Variants in UST observed in about 807,000 individuals in gnomAD.
UST encodes chondroitin sulfate 2-O-sulfotransferase.
Under a neutral mutation model 45.6 loss-of-function variants are expected in UST, and 21 were observed. The ratio of observed to expected loss-of-function variants is 0.46; its 90% CI spans 0.33 to 0.66. The LOEUF is 0.66. UST is among the 30% of genes least tolerant of loss of function. The probability of loss-of-function intolerance (pLI) is 0.02; values close to 1 mark genes in which losing one functional copy is unlikely to be tolerated. For missense variants in UST, 463 were observed against 512.4 expected (o/e 0.90, Z 0.93); for synonymous variants, 215 against 200.6 (o/e 1.07, Z -0.61).
chr6:148,958,183 G>GT (rs201741630), intron 4 of UST, among the ~76,000 whole-genome samples: 2 of 150,588 alleles, frequency 1.3e-5, no homozygotes, highest in Non-Finnish European at 2.9e-5. Flanking sequence ...GACCTACTTC[G>GT]TTTTTTTTCA....
intron 1 of UST, among the ~76,000 whole-genome samples, chr6:148,877,411 G>A (rs1055382501): frequency 1.9e-5 from 1 of 52,944 alleles, no homozygotes; most frequent in South Asian, 9.6e-4. Flanking sequence ...GTGTATGAGT[G>A]CGGGGGTCGT....
At chr6:148,805,133 G>A (rs142808337) in intron 1 of UST, among the ~76,000 whole-genome samples, 7 of 152,102 alleles carry the variant, frequency 4.6e-5, no homozygotes, top group Middle Eastern at 3.4e-3. Flanking sequence ...AGACCATTTC[G>A]TATAGCTAAG....
At chr6:148,911,039 C>T (rs1236536752) in intron 2 of UST, among the ~76,000 whole-genome samples, 9 of 152,152 alleles carry the variant, frequency 5.9e-5, no homozygotes, top group African/African-American at 1.7e-4. Flanking sequence ...ATTGCTTCCA[C>T]GTCTGAATTG....
intron 1 of UST, among the ~76,000 whole-genome samples, chr6:148,758,036 T>C (rs915685599): frequency 6.6e-6 from 1 of 152,228 alleles, no homozygotes; most frequent in African/African-American, 2.4e-5. Context: ...AGTTCAACAA[T>C]TGCCAATTTT....
chr6:148,886,027 T>G (rs1265526179), intron 1 of UST, among the ~76,000 whole-genome samples: 2 of 152,238 alleles, frequency 1.3e-5, no homozygotes, highest in Non-Finnish European at 2.9e-5. Context: ...CGCCTTCGAT[T>G]ATACTGATTG....
intron 2 of UST, among the ~76,000 whole-genome samples, chr6:148,912,363 A>G (rs1002456426): frequency 2.6e-5 from 4 of 152,258 alleles, no homozygotes; most frequent in African/African-American, 9.6e-5. Flanking sequence ...GAGGACATAA[A>G]ACAGCATTAA....
At chr6:149,071,084 T>C (rs778905771) in intron 7 of UST, among the ~76,000 whole-genome samples, 6 of 152,192 alleles carry the variant, frequency 3.9e-5, no homozygotes, top group Non-Finnish European at 2.9e-5. Flanking sequence ...TATTTTTAAA[T>C]GTACAATTAA....
At chr6:148,852,710 T>C (rs1409123939) in intron 1 of UST, among the ~76,000 whole-genome samples, 2 of 152,156 alleles carry the variant, frequency 1.3e-5, no homozygotes, top group Non-Finnish European at 2.9e-5. Flanking sequence ...TATTTATCTT[T>C]TTTATTGAAG....
intron 1 of UST, among the ~76,000 whole-genome samples, chr6:148,806,495 G>GC (rs1386421725): frequency 9.4e-6 from 1 of 106,098 alleles, no homozygotes; most frequent in Admixed American, 1.0e-4. Context: ...CACACCACTG[G>GC]CTTTTTTTTT....
At chr6:148,972,610 C>G (rs544154102) in intron 5 of UST, among the ~76,000 whole-genome samples, 94 of 152,376 alleles carry the variant, frequency 6.2e-4, no homozygotes, top group African/African-American at 2.2e-3. Flanking sequence ...CAAGGGCCGC[C>G]AGAGCACAGC....
chr6:148,801,716 A>T (rs1310490561), intron 1 of UST, among the ~76,000 whole-genome samples: 4 of 152,140 alleles, frequency 2.6e-5, no homozygotes, highest in African/African-American at 9.7e-5. Flanking sequence ...GCACGTGCTT[A>T]GCAGTCACTC....
chr6:148,756,099 A>T (rs1293039335), intron 1 of UST, among the ~76,000 whole-genome samples: 1 of 148,348 alleles, frequency 6.7e-6, no homozygotes, highest in Non-Finnish European at 1.5e-5. Context: ...GAGTGAGAAC[A>T]TGCGGTGTTT....
At chr6:149,062,543 A>G (rs1328810188) in intron 7 of UST, among the ~76,000 whole-genome samples, 1 of 152,196 alleles carries the variant, frequency 6.6e-6, no homozygotes, top group African/African-American at 2.4e-5. Context: ...CAAGTTTTTC[A>G]CCAGATCCTC....
intron 1 of UST, among the ~76,000 whole-genome samples, chr6:148,863,133 C>A (rs1031143713): frequency 6.6e-6 from 1 of 152,198 alleles, no homozygotes; most frequent in Non-Finnish European, 1.5e-5. Flanking sequence ...TTCAGGTACA[C>A]CAATCAGACG....
At position 148,934,667 on chromosome 6, in the gene UST, G is replaced by T. The variant is rs1477174166; in HGVS notation, c.292-6612G>T. 6.6e-6 allele frequency among the ~76,000 whole-genome samples: 1 copy of T among 152,042 alleles called. No homozygotes were observed. ...CTCCCCAGCCTTAATCCCTCAGAAG[G>T]CTTCAAGGACCCACTCAGCCACTTA... On this transcript the variant is annotated intron_variant, in intron 2 of 7. Transcript: ENST00000367463. The surrounding 1 kb of genome is among the most constrained non-coding windows in gnomAD (Gnocchi z 4.1).
chr6:148,881,317 G>A (rs1156886358), intron 1 of UST, among the ~76,000 whole-genome samples: 1 of 152,292 alleles, frequency 6.6e-6, no homozygotes, highest in African/African-American at 2.4e-5. Flanking sequence ...TGATAGGAAT[G>A]GGAATGTGTG....
chr6:148,872,815 G>A (rs773564914), intron 1 of UST, among the ~76,000 whole-genome samples: 11 of 152,102 alleles, frequency 7.2e-5, no homozygotes, highest in African/African-American at 1.2e-4. Flanking sequence ...ACATCCTCCA[G>A]CGTCACATCT....
intron 1 of UST, among the ~76,000 whole-genome samples, chr6:148,843,212 C>T (rs1449464967): frequency 1.3e-5 from 2 of 152,212 alleles, no homozygotes; most frequent in African/African-American, 4.8e-5. Flanking sequence ...GCTCCATTTC[C>T]TATTACATTA....
chr6:148,823,743 T>A (rs749514133), intron 1 of UST, among the ~76,000 whole-genome samples: 4 of 152,200 alleles, frequency 2.6e-5, no homozygotes, highest in Non-Finnish European at 4.4e-5. Flanking sequence ...TGCTCTCTGG[T>A]GGATTTTATC....
Sources: allele counts gnomAD v4.1 joint callset (sites outside exome capture counted in the v4.1 genomes callset), GRCh38; gene constraint gnomAD v4.1.1; non-coding constraint Gnocchi (gnomAD v3.1); transcripts MANE v1.5; gene names NCBI Gene and HGNC (gene_info 2026-07-23, HGNC 2026-07-21).